Variants in NACC2 observed in about 807,000 individuals in gnomAD.
NACC2 encodes the protein NACC family member 2.
In NACC2, 8 loss-of-function variants were observed where a neutral mutation model predicts 25.1. The ratio of observed to expected loss-of-function variants is 0.32; its 90% confidence interval spans 0.19 to 0.57. The LOEUF (loss-of-function observed/expected upper bound fraction) is 0.57. Among genes scored for constraint, NACC2 ranks in the 20% least tolerant of loss-of-function variants. NACC2 has a pLI of 0.89. For missense variants in NACC2, 644 were observed against 650.2 expected, an observed-to-expected ratio of 0.99 and a Z score of 0.10; for synonymous variants, 435 against 294.7, an observed-to-expected ratio of 1.48 and a Z score of -4.88.
At chr9:136,059,119 C>T (rs913415506) in intron 1 of NACC2, among the ~76,000 whole-genome samples, 3 of 152,220 alleles carry the variant, frequency 2.0e-5, no homozygotes, top group African/African-American at 7.2e-5. Flanking sequence ...GCAAGCAGCA[C>T]AGAAACAATC....
chr9:136,011,644 C>A lies in NACC2; in HGVS notation c.1636G>T (p.Glu546Ter). Residue 546 changes from glutamate to a stop codon, truncating the protein, a stop_gained, in exon 6 of 6, where the codon GAG (glutamate) becomes TAG (stop). Transcript: ENST00000277554. LOFTEE classifies it high-confidence loss of function. ...CTCTGGCCATCGGCGGGCAGCGGCT[C>A]GGGGGCGGCCACCTCCTGGATGACC... The part of the protein sequence containing the change: ...GSVIQEVAAP[E>*]PLPADGQSPP... 7.1e-7 allele frequency: 1 copy of A among 1,403,890 alleles called. No individual in the cohort carries two copies. The highest frequency in any genetic ancestry group is 9.2e-7 in the Non-Finnish European group (1 of 1,084,208). The allele number at this position is 1,403,890 out of a possible 1,614,324, so 87.0% of individuals were successfully genotyped here.
At chr9:136,074,570 T>A (rs1050522246) in intron 1 of NACC2, among the ~76,000 whole-genome samples, 1 of 151,450 alleles carries the variant, frequency 6.6e-6, no homozygotes, top group African/African-American at 2.4e-5. Context: ...TATCATCCCT[T>A]CAATTAACAC....
intron 1 of NACC2, among the ~76,000 whole-genome samples, chr9:136,081,723 C>T (rs967720817): frequency 3.3e-5 from 5 of 152,322 alleles, no homozygotes; most frequent in East Asian, 1.9e-4. Context: ...CCTCCTGGCT[C>T]GGGCCCTGGG....
chr9:136,057,292 A>T (rs1397789354), intron 1 of NACC2, among the ~76,000 whole-genome samples: 1 of 152,140 alleles, frequency 6.6e-6, no homozygotes, highest in African/African-American at 2.4e-5. Context: ...ATTCTTTCTT[A>T]TGGGTAAGGA....
At chr9:136,044,360 A>C (rs1840687725) in intron 2 of NACC2, among the ~76,000 whole-genome samples, 2 of 152,154 alleles carry the variant, frequency 1.3e-5, no homozygotes, top group Non-Finnish European at 2.9e-5. Context: ...ATAAATAATT[A>C]CAAAATTAGC....
intron 1 of NACC2, among the ~76,000 whole-genome samples, chr9:136,054,855 C>A (rs1300337411): frequency 1.9e-4 from 29 of 152,172 alleles, no homozygotes; most frequent in African/African-American, 7.0e-4. Flanking sequence ...AGGGTTGTGG[C>A]ACCAACGACC....
At chr9:136,089,233 C>G (rs922031620) in intron 1 of NACC2, among the ~76,000 whole-genome samples, 4 of 152,062 alleles carry the variant, frequency 2.6e-5, no homozygotes, top group Admixed American at 1.3e-4. Flanking sequence ...CAGCTGGGGA[C>G]CCCACCCAGA....
chr9:136,088,357 C>T (rs1284947893), intron 1 of NACC2, among the ~76,000 whole-genome samples: 3 of 152,086 alleles, frequency 2.0e-5, no homozygotes, highest in East Asian at 3.9e-4. Flanking sequence ...CACTCCCTGC[C>T]TCTCTCCCCT....
At position 136,011,416 on chromosome 9, in the gene NACC2, A is replaced by G. The variant is rs1288267258; in HGVS notation, c.*100T>C. 22 of 1,194,882 alleles carry G rather than the reference A, an allele frequency of 1.8e-5. No individual in the cohort carries two copies. In the Admixed American group the frequency reaches 5.0e-4, roughly 27 times the overall value. 74.0% of individuals were successfully genotyped at this position (1,194,882 alleles called of 1,614,324 possible). ...AATCACATTTTTCTCAGGCAACAGT[A>G]GCAGTTCAGTAGGTAAGTGGCTTGA... On this transcript the variant is annotated 3_prime_UTR_variant, in exon 6 of 6. Coordinates refer to ENST00000277554, the MANE Select transcript of NACC2 (RefSeq NM_144653.5).
At chr9:136,065,302 T>C (rs73551172) in intron 1 of NACC2, among the ~76,000 whole-genome samples, 12,832 of 152,118 alleles carry the variant, frequency 0.084, 624 homozygotes, top group Non-Finnish European at 0.11. Context: ...CTCGGCAACA[T>C]AGTGGGACCT....
rs1840812677 is a variant in NACC2 at position 136,050,535 on chromosome 9, C to T, written c.-14G>A. The T allele has an allele frequency of 4.0e-6, 3 of 755,996 alleles. No individual in the cohort carries two copies. Among genetic ancestry groups the T allele is most frequent in the African/African-American group, 1.7e-5 (1 of 59,010 alleles). The allele number at this position is 755,996 out of a possible 1,614,324, so 46.8% of individuals were successfully genotyped here. ...CATCTGAGACATGGCGGGCGGGCAG[C>T]GGCGGGGCTGGGCTCTCAGCGCGGG... is the stretch of plus-strand genomic sequence containing the variant. On this transcript the variant is annotated 5_prime_UTR_variant, in exon 2 of 6. Coordinates refer to ENST00000277554, the MANE Select transcript of NACC2 (RefSeq NM_144653.5).
At chr9:136,014,207 G>A (rs1280084634) in intron 3 of NACC2, among the ~76,000 whole-genome samples, 1 of 152,060 alleles carries the variant, frequency 6.6e-6, no homozygotes, top group Non-Finnish European at 1.5e-5. Context: ...CAGGGGGTGG[G>A]GAAAGCCACA....
In NACC2 at chr9:136,011,380, A is replaced by G. The variant is rs1413156748; in HGVS notation, c.*136T>C. The stretch of plus-strand genomic sequence containing the variant: ...GTTTCCTTCATCAATTTTAAATACA[A>G]GCAGAATAAAAATCACATTTTTCTC... On this transcript the variant is annotated 3_prime_UTR_variant, in exon 6 of 6. Coordinates refer to ENST00000277554, the MANE Select transcript of NACC2 (RefSeq NM_144653.5). 1 of 994,726 alleles carries G rather than the reference A, an allele frequency of 1.0e-6. No homozygotes were observed. Among genetic ancestry groups the G allele is most frequent in the African/African-American group, 1.7e-5 (1 of 59,950 alleles). 61.6% of individuals were successfully genotyped at this position (994,726 alleles called of 1,614,324 possible).
At chr9:136,046,006 C>A (rs1020234726) in intron 2 of NACC2, among the ~76,000 whole-genome samples, 4 of 152,182 alleles carry the variant, frequency 2.6e-5, no homozygotes, top group African/African-American at 7.2e-5. Context: ...TGAGCCCCAG[C>A]GGGAATGCAG....
At chr9:136,080,671 G>C (rs1465910926) in intron 1 of NACC2, among the ~76,000 whole-genome samples, 2 of 152,168 alleles carry the variant, frequency 1.3e-5, no homozygotes, top group African/African-American at 2.4e-5. Context: ...ACACTCCACG[G>C]AGCTCTTGCT....
intron 2 of NACC2, among the ~76,000 whole-genome samples, chr9:136,043,400 G>A (rs1471945384): frequency 1.3e-5 from 2 of 152,216 alleles, no homozygotes; most frequent in Admixed American, 6.5e-5. Context: ...AAACTACAAT[G>A]GGATGTCACT....
In NACC2 at chr9:136,050,303, C is replaced by A; in HGVS notation, c.219G>T (p.Val73=). The A allele has an allele frequency of 1.3e-6, 1 of 745,306 alleles. No homozygotes were observed. The highest frequency in any genetic ancestry group is 2.5e-6 in the Non-Finnish European group (1 of 404,596). The allele number at this position is 745,306 out of a possible 1,614,324, so 46.2% of individuals were successfully genotyped here. The change falls in exon 2 of 6, where the codon GTG becomes GTT. Residue 73 remains valine (V), a synonymous_variant. Coordinates refer to ENST00000277554, the MANE Select transcript of NACC2 (RefSeq NM_144653.5). The part of the protein sequence containing the change: ...SKSAFELPGS[V]PPACFQQILS... ...GGATCTGCTGGAAGCAGGCGGGCGG[C>A]ACGGAGCCGGGCAGCTCGAAGGCGC...
Position 136,049,898 on chromosome 9 carries a change from C to T in NACC2, c.624G>A (p.Ala208=), listed in dbSNP as rs1344754505. ...TGAGAGGGGCTGTGCCCGCCGCCACCGCAGCCCCCGCGGCCACCGCCACGC... is the reference window on the plus strand; with the variant it reads ...TGAGAGGGGCTGTGCCCGCCGCCACTGCAGCCCCCGCGGCCACCGCCACGC... The part of the protein sequence containing the change: ...RDGVAVAAGA[A]VAAGTAPLKL... The change falls in exon 2 of 6, where the codon GCG becomes GCA. Residue 208 remains alanine (A), a synonymous_variant. Coordinates refer to ENST00000277554, the MANE Select transcript of NACC2 (RefSeq NM_144653.5). 3.4e-6 allele frequency: 2 copies of T among 584,344 alleles called. No homozygotes were observed. The highest frequency in any genetic ancestry group is 3.2e-5 in the Admixed American group (1 of 31,200). The allele number at this position is 584,344 out of a possible 1,614,324, so 36.2% of individuals were successfully genotyped here.
Position 136,022,917 on chromosome 9 carries a change from G to A in NACC2, c.887-6488C>T, listed in dbSNP as rs1163788018. ...TTACCACGCCATGCCACGCCACACC[G>A]TGCCTGTTAAGACACAGCCCGTTTC... is the stretch of plus-strand genomic sequence containing the variant. On this transcript the variant is annotated intron_variant, in intron 2 of 5. Coordinates refer to ENST00000277554, the MANE Select transcript of NACC2 (RefSeq NM_144653.5). This position sits in a 1 kb window ranked among gnomAD's most constrained non-coding sequence, Gnocchi z 4.4. 2.0e-5 allele frequency among the ~76,000 whole-genome samples: 2 copies of A among 101,672 alleles called. No individual in the cohort carries two copies. Among genetic ancestry groups the A allele is most frequent in the Admixed American group, 1.0e-4 (1 of 10,024 alleles). The allele number at this position is 101,672 out of a possible 152,430, so 66.7% of individuals were successfully genotyped here.
Sources: gnomAD v4.1 joint callset for allele counts (sites outside exome capture counted in the v4.1 genomes callset) on GRCh38, gnomAD v4.1.1 for gene constraint, Gnocchi (gnomAD v3.1) non-coding constraint, MANE v1.5 for transcripts, NCBI Gene and HGNC (gene_info 2026-07-23, HGNC 2026-07-21) for gene names.